Variants in CTNND1 observed in about 807,000 individuals in gnomAD.
CTNND1 encodes catenin delta 1, also known as catenin delta-1.
Under a neutral mutation model 112.1 loss-of-function variants are expected in CTNND1, and 16 were observed. That is an observed-to-expected ratio of 0.14 (90% CI 0.10 to 0.22). The LOEUF is 0.22. Ranked by LOEUF, CTNND1 falls within the 10% of genes least tolerant of loss-of-function variation. The pLI is 1.00. For missense variants in CTNND1, 1,008 were observed against 1,257.0 expected (o/e 0.80, Z 3.00); for synonymous variants, 420 against 446.5 (o/e 0.94, Z 0.75).
chr11:57,762,531 A>G (rs1410937437), intron 1 of CTNND1, among the ~76,000 whole-genome samples: 1 of 151,674 alleles, frequency 6.6e-6, no homozygotes, highest in African/African-American at 2.4e-5. Context: ...TTTTTCTTTT[A>G]TCATTGGATT....
Position 57,809,416 on chromosome 11 carries a change from G to A in CTNND1, c.2385G>A (p.Lys795=). 1 of 1,613,792 alleles carries A rather than the reference G, an allele frequency of 6.2e-7. No homozygotes were observed. The highest frequency in any genetic ancestry group is 8.5e-7 in the Non-Finnish European group (1 of 1,179,806). Residue 795 remains lysine, a synonymous_variant, in exon 15 of 21, where the codon AAG becomes AAA. Coordinates refer to ENST00000399050, the MANE Select transcript of CTNND1 (RefSeq NM_001085458.2). ...VIAENLEAAK[K]LRETQGIEKL... ...CTGAGAACTTGGAGGCTGCCAAAAA[G>A]CTTCGAGAGACACAGGGTATTGAGA... is the stretch of plus-strand genomic sequence containing the variant.
Position 57,791,428 on chromosome 11 carries a change from G to A in CTNND1, c.-51G>A. The A allele has an allele frequency of 7.2e-7, 1 of 1,393,594 alleles. No homozygotes were observed. The highest frequency in any genetic ancestry group is 9.4e-7 in the Non-Finnish European group (1 of 1,066,754). The allele number at this position is 1,393,594 out of a possible 1,614,324, so 86.3% of individuals were successfully genotyped here. ...CTCTCCCTCCTTCTCCTTCCTCTGTGATTCACCTTCCTTTTTACCCTGCCC... is the reference window on the plus strand; with the variant it reads ...CTCTCCCTCCTTCTCCTTCCTCTGTAATTCACCTTCCTTTTTACCCTGCCC... On this transcript the variant is annotated 5_prime_UTR_variant, in exon 3 of 21. Coordinates refer to ENST00000399050, the MANE Select transcript of CTNND1 (RefSeq NM_001085458.2).
At chr11:57,775,540 T>G (rs1954009822) in intron 1 of CTNND1, among the ~76,000 whole-genome samples, 1 of 152,152 alleles carries the variant, frequency 6.6e-6, no homozygotes, top group Non-Finnish European at 1.5e-5. Flanking sequence ...ACTCGCCTAT[T>G]GGGAGGAAGG....
At chr11:57,786,269 C>T (rs965397343) in intron 1 of CTNND1, among the ~76,000 whole-genome samples, 4 of 150,642 alleles carry the variant, frequency 2.7e-5, no homozygotes, top group African/African-American at 9.8e-5. Flanking sequence ...TGCCGTGGCT[C>T]ACGCCTGTAA....
chr11:57,796,080 A>G (rs1044566661), intron 5 of CTNND1, among the ~76,000 whole-genome samples: 4 of 152,050 alleles, frequency 2.6e-5, no homozygotes, highest in Non-Finnish European at 4.4e-5. Context: ...TTTCTTTTGG[A>G]GTGGTATAGA....
intron 1 of CTNND1, among the ~76,000 whole-genome samples, chr11:57,776,739 C>T (rs1411252098): frequency 6.6e-6 from 1 of 152,180 alleles, no homozygotes; most frequent in Non-Finnish European, 1.5e-5. Context: ...TTGTCGTCTT[C>T]CCTCCCTCAC....
intron 16 of CTNND1, among the ~76,000 whole-genome samples, chr11:57,810,542 T>C (rs474464): frequency 0.94 from 142,679 of 152,038 alleles, 67,628 homozygotes; most frequent in East Asian, 1. Flanking sequence ...GTTGGCCAGG[T>C]TAATCTTGAA....
rs748153722 is a variant in CTNND1 at position 57,815,575 on chromosome 11, A to C, written c.2808+75A>C. 6 of 1,227,218 alleles carry C rather than the reference A, an allele frequency of 4.9e-6. No individual in the cohort carries two copies. The South Asian group carries it at 7.2e-5, about 15-fold the overall frequency. The allele number at this position is 1,227,218 out of a possible 1,614,324, so 76.0% of individuals were successfully genotyped here. A position where few individuals can be genotyped will look rare whatever the true frequency, so the allele number is the denominator to read the frequency against. ...AAGCCTATGTGTTTTGTGAAACACAAAAAAAAGTACAGAGAAAGATCGCAT... is the reference window on the plus strand; with the variant it reads ...AAGCCTATGTGTTTTGTGAAACACACAAAAAAGTACAGAGAAAGATCGCAT... On this transcript the variant is annotated intron_variant, in intron 19 of 20. Transcript: ENST00000399050.
intron 12 of CTNND1, among the ~76,000 whole-genome samples, chr11:57,807,627 A>AAAAAAG (rs1565367494): frequency 1.4e-5 from 2 of 141,336 alleles, no homozygotes; most frequent in Non-Finnish European, 3.2e-5. Flanking sequence ...AAAAAAAAAA[A>AAAAAAG]AAAAGAAAAG....
chr11:57,794,027 C>T lies in CTNND1; in HGVS notation c.213C>T (p.Gly71=), dbSNP rs553795773. The change falls in exon 4 of 21, where the codon GGC becomes GGT. Residue 71 remains glycine (G), a synonymous_variant. Transcript: ENST00000399050. ...TRRHQNGRFV[G]DADLERQKFS... ...TGTTTCAGAACGGCCGGTTTGTGGG[C>T]GATGCTGACCTTGAAAGACAGAAAT... is the stretch of plus-strand genomic sequence containing the variant. 8.7e-6 allele frequency: 14 copies of T among 1,613,910 alleles called. 1 individual carries two copies. Among genetic ancestry groups the T allele is most frequent in the African/African-American group, 5.3e-5 (4 of 75,010 alleles).
At position 57,791,425 on chromosome 11, in the gene CTNND1, T is replaced by C; in HGVS notation, c.-54T>C. On this transcript the variant is annotated 5_prime_UTR_variant, in exon 3 of 21. Coordinates refer to ENST00000399050, the MANE Select transcript of CTNND1 (RefSeq NM_001085458.2). ...TCTCTCTCCCTCCTTCTCCTTCCTC[T>C]GTGATTCACCTTCCTTTTTACCCTG... 7.2e-7 allele frequency: 1 copy of C among 1,393,304 alleles called. No individual in the cohort carries two copies. Among genetic ancestry groups the C allele is most frequent in the African/African-American group, 1.5e-5 (1 of 67,006 alleles). 86.3% of individuals were successfully genotyped at this position (1,393,304 alleles called of 1,614,324 possible).
rs2061455696 is a variant in CTNND1 at position 57,797,377 on chromosome 11, A to G, written c.956+385A>G. 2.0e-5 allele frequency among the ~76,000 whole-genome samples: 3 copies of G among 148,308 alleles called. 1 individual carries two copies. The highest frequency in any genetic ancestry group is 4.2e-4 in the South Asian group (2 of 4,738). Reference sequence around the variant, plus strand: ...TCCCTAGTAGTTGGGACTACAGGCAAGCACCATCACGCCTGGCTAATTTTT... The same window carrying G: ...TCCCTAGTAGTTGGGACTACAGGCAGGCACCATCACGCCTGGCTAATTTTT... On this transcript the variant is annotated intron_variant, in intron 6 of 20. Coordinates refer to ENST00000399050, the MANE Select transcript of CTNND1 (RefSeq NM_001085458.2).
chr11:57,818,632 T>C lies in CTNND1; in HGVS notation c.*2324T>C, dbSNP rs2064098298. The C allele has an allele frequency of 6.6e-6, 1 of 152,034 alleles. No homozygotes were observed. The highest frequency in any genetic ancestry group is 1.9e-4 in the East Asian group (1 of 5,200). The allele number at this position is 152,034 out of a possible 1,614,324, so 9.4% of individuals were successfully genotyped here. A position where few individuals can be genotyped will look rare whatever the true frequency, so the allele number is the denominator to read the frequency against. On this transcript the variant is annotated 3_prime_UTR_variant, in exon 21 of 21. Transcript: ENST00000399050. The stretch of plus-strand genomic sequence containing the variant: ...ATTCTTGTTAACTATATGTGAAACA[T>C]TTTTTCTTCTGAAGATTCTTAAAAA...
At chr11:57,801,459 C>G (rs550484881) in intron 6 of CTNND1, among the ~76,000 whole-genome samples, 3 of 152,130 alleles carry the variant, frequency 2.0e-5, no homozygotes, top group African/African-American at 7.2e-5. Flanking sequence ...TTTTGATTAG[C>G]CTTTCCTGAA....
intron 1 of CTNND1, among the ~76,000 whole-genome samples, chr11:57,774,869 T>C (rs1371213247): frequency 6.6e-6 from 1 of 152,074 alleles, no homozygotes; most frequent in Non-Finnish European, 1.5e-5. Flanking sequence ...TGCGCCACCA[T>C]ACCTGCTTAA....
intron 1 of CTNND1, among the ~76,000 whole-genome samples, chr11:57,774,903 G>A (rs1409131248): frequency 6.6e-6 from 1 of 151,908 alleles, no homozygotes; most frequent in African/African-American, 2.4e-5. Flanking sequence ...AGTAGAGGTG[G>A]GGTTTTGCCA....
chr11:57,786,448 G>A (rs188992234), intron 1 of CTNND1, among the ~76,000 whole-genome samples: 4 of 152,014 alleles, frequency 2.6e-5, no homozygotes, highest in African/African-American at 7.3e-5. Context: ...CAGGAGAATC[G>A]CCTGAACCCA....
chr11:57,799,790 C>T (rs1365251310), intron 6 of CTNND1, among the ~76,000 whole-genome samples: 1 of 151,940 alleles, frequency 6.6e-6, no homozygotes, highest in Non-Finnish European at 1.5e-5. Context: ...CAATACAGAG[C>T]CTGAAAAACC....
chr11:57,806,581 A>G (rs2062698747), intron 11 of CTNND1, 103 bp downstream of exon 11: 2 of 1,060,656 alleles, frequency 1.9e-6, no homozygotes, highest in Non-Finnish European at 2.8e-6. Context: ...CTATGCATGT[A>G]GGAAAGTTCA....
Sources: gnomAD v4.1 joint callset for allele counts (sites outside exome capture counted in the v4.1 genomes callset) on GRCh38, gnomAD v4.1.1 for gene constraint, MANE v1.5 for transcripts, NCBI Gene and HGNC (gene_info 2026-07-23, HGNC 2026-07-21) for gene names.